HPSE2: variants seen among roughly 807,000 people sequenced by gnomAD.
The protein encoded by HPSE2 is inactive heparanase-2.
In HPSE2, 38 loss-of-function variants were observed where a neutral mutation model predicts 60.5. The ratio of observed to expected loss-of-function variants is 0.63; its 90% CI spans 0.48 to 0.82. HPSE2 has a LOEUF of 0.82. Among genes scored for constraint, HPSE2 ranks in the 40% least tolerant of loss-of-function variants. The probability of loss-of-function intolerance (pLI) is 0.00; values close to 1 mark genes in which losing one functional copy is unlikely to be tolerated. For missense variants in HPSE2, 713 were observed against 740.4 expected, an observed-to-expected ratio of 0.96 and a Z score of 0.43; for synonymous variants, 295 against 293.2, an observed-to-expected ratio of 1.01 and a Z score of -0.06.
chr10:98,970,264 G>C (rs1955918558), intron 3 of HPSE2, among the ~76,000 whole-genome samples: 1 of 152,004 alleles, frequency 6.6e-6, no homozygotes, highest in Admixed American at 6.6e-5. Context: ...CGCCCGGCCT[G>C]TCACCCACTT....
chr10:98,948,277 G>T (rs1299048139), intron 3 of HPSE2, among the ~76,000 whole-genome samples: 1 of 152,186 alleles, frequency 6.6e-6, no homozygotes, highest in African/African-American at 2.4e-5. Flanking sequence ...AGGAAATCAT[G>T]AAAGATATTA....
intron 3 of HPSE2, among the ~76,000 whole-genome samples, chr10:99,128,947 T>A: frequency 6.7e-6 from 1 of 149,332 alleles, no homozygotes; most frequent in South Asian, 2.1e-4. Flanking sequence ...GGTAAAAGAG[T>A]GAAAAAAAGA....
intron 9 of HPSE2, among the ~76,000 whole-genome samples, chr10:98,509,364 T>C (rs1218065924): frequency 6.6e-6 from 1 of 151,958 alleles, no homozygotes; most frequent in Non-Finnish European, 1.5e-5. Flanking sequence ...TTAGTTTAGA[T>C]GAAAGATGAT....
intron 9 of HPSE2, among the ~76,000 whole-genome samples, chr10:98,528,462 A>C (rs1294283865): frequency 6.6e-6 from 1 of 152,214 alleles, no homozygotes; most frequent in East Asian, 1.9e-4. Flanking sequence ...GGAATTACAA[A>C]AAAAAAGCAG....
At chr10:98,795,273 A>G (rs1254850098) in intron 3 of HPSE2, among the ~76,000 whole-genome samples, 3 of 152,224 alleles carry the variant, frequency 2.0e-5, no homozygotes, top group Non-Finnish European at 4.4e-5. Context: ...GAGGCATTGA[A>G]GAGGGTAGGA....
At chr10:98,777,139 T>C (rs1191168120) in intron 3 of HPSE2, among the ~76,000 whole-genome samples, 3 of 152,154 alleles carry the variant, frequency 2.0e-5, no homozygotes, top group Non-Finnish European at 4.4e-5. Flanking sequence ...ACTTTCATGT[T>C]ACAAAAACAA....
intron 3 of HPSE2, among the ~76,000 whole-genome samples, chr10:98,985,311 G>C (rs1309576980): frequency 6.6e-6 from 1 of 152,216 alleles, no homozygotes; most frequent in Non-Finnish European, 1.5e-5. Flanking sequence ...AACTCTACAA[G>C]CCAGAAGAGA....
chr10:98,939,323 G>T (rs12220431), intron 3 of HPSE2, among the ~76,000 whole-genome samples: 21,685 of 142,898 alleles, frequency 0.15, 4,052 homozygotes, highest in African/African-American at 0.24. Context: ...TCAGTGTGCT[G>T]TATTCAGGAA....
chr10:99,161,032 G>C (rs1423087018), intron 2 of HPSE2, among the ~76,000 whole-genome samples: 1 of 151,862 alleles, frequency 6.6e-6, no homozygotes, highest in African/African-American at 2.4e-5. Flanking sequence ...ACCAGCCTGG[G>C]CAACATAAGG....
intron 3 of HPSE2, among the ~76,000 whole-genome samples, chr10:99,091,174 T>C (rs934552062): frequency 9.9e-5 from 15 of 152,162 alleles, no homozygotes; most frequent in Middle Eastern, 3.2e-3. Context: ...TATTAGTCCT[T>C]AGCAGTTTCT....
chr10:98,603,632 G>T (rs1158779762), intron 9 of HPSE2, among the ~76,000 whole-genome samples: 1 of 152,100 alleles, frequency 6.6e-6, no homozygotes. Context: ...GTTTCACCAT[G>T]TTGGGCAGGA....
At chr10:98,750,655 G>GA (rs1350697192) in intron 3 of HPSE2, among the ~76,000 whole-genome samples, 1 of 151,768 alleles carries the variant, frequency 6.6e-6, no homozygotes, top group Non-Finnish European at 1.5e-5. Flanking sequence ...TGGTGTGTGA[G>GA]AAAAAAAGAG....
chr10:98,513,038 A>T (rs1942472028), intron 9 of HPSE2, among the ~76,000 whole-genome samples: 1 of 152,166 alleles, frequency 6.6e-6, no homozygotes. Flanking sequence ...TATCCAGTTC[A>T]TATGTGTCTT....
chr10:99,057,684 A>G (rs1958145052), intron 3 of HPSE2, among the ~76,000 whole-genome samples: 1 of 152,204 alleles, frequency 6.6e-6, no homozygotes, highest in Non-Finnish European at 1.5e-5. Context: ...AGACCCATCA[A>G]GTTCATTCAA....
At chr10:99,133,463 G>A (rs2135745616) in intron 3 of HPSE2, among the ~76,000 whole-genome samples, 1 of 152,308 alleles carries the variant, frequency 6.6e-6, no homozygotes, top group Middle Eastern at 3.4e-3. Flanking sequence ...CCCAGTAGGG[G>A]CTAACGGACA....
At chr10:99,112,385 G>A (rs1356938644) in intron 3 of HPSE2, among the ~76,000 whole-genome samples, 3 of 151,792 alleles carry the variant, frequency 2.0e-5, no homozygotes, top group Admixed American at 6.6e-5. Flanking sequence ...GACTACAGGC[G>A]CCTGCCACCA....
the HPSE2 span, among the ~76,000 whole-genome samples, chr10:99,264,066 G>A: frequency 6.6e-6 from 1 of 151,652 alleles, no homozygotes; most frequent in African/African-American, 2.4e-5. Flanking sequence ...CTCTCTCCTG[G>A]CAGTTTCTTT....
intron 7 of HPSE2, among the ~76,000 whole-genome samples, chr10:98,641,551 C>T (rs1946636880): frequency 1.3e-5 from 2 of 151,844 alleles, no homozygotes; most frequent in African/African-American, 2.4e-5. Context: ...CATGCCACTG[C>T]ACTCCAGCCT....
intron 3 of HPSE2, among the ~76,000 whole-genome samples, chr10:99,117,155 C>A (rs1254341033): frequency 6.6e-6 from 1 of 150,850 alleles, no homozygotes; most frequent in Non-Finnish European, 1.5e-5. Context: ...TCAAGAAAAC[C>A]AATACCCCAA....
Sources: gnomAD v4.1 joint callset for allele counts (sites outside exome capture counted in the v4.1 genomes callset) on GRCh38, gnomAD v4.1.1 for gene constraint, MANE v1.5 for transcripts, NCBI Gene and HGNC (gene_info 2026-07-23, HGNC 2026-07-21) for gene names.